The following PITPNM3 variants were observed in gnomAD, a reference collection of about 807,000 sequenced individuals.
PITPNM3 encodes membrane-associated phosphatidylinositol transfer protein 3.
Under a neutral mutation model 102.0 loss-of-function variants are expected in PITPNM3, and 26 were observed. That is an observed-to-expected ratio of 0.25 (90% CI 0.19 to 0.35). The LOEUF (loss-of-function observed/expected upper bound fraction) is 0.35, where lower values mean the gene tolerates loss of function less well. Among genes scored for constraint, PITPNM3 ranks in the 10% least tolerant of loss-of-function variants. PITPNM3 has a pLI of 1.00. For synonymous variants in PITPNM3, 578 were observed against 558.6 expected (o/e 1.03, Z -0.49); for missense variants, 1,083 against 1,346.1 (o/e 0.80, Z 3.06).
intron 4 of PITPNM3, among the ~76,000 whole-genome samples, chr17:6,496,623 G>A (rs532809125): frequency 3.9e-5 from 6 of 152,050 alleles, no homozygotes; most frequent in East Asian, 1.9e-4. Context: ...CCCCTCCTCC[G>A]TCTCCCAGAT....
intron 4 of PITPNM3, among the ~76,000 whole-genome samples, chr17:6,502,377 C>T (rs552625989): frequency 1.3e-5 from 2 of 152,146 alleles, no homozygotes; most frequent in South Asian, 2.1e-4. Context: ...GATTTGAGCC[C>T]GGGAAGCTCA....
In PITPNM3 at chr17:6,459,813, G is replaced by A. The variant is rs1044545907; in HGVS notation, c.2490+1560C>T. 1.3e-5 allele frequency among the ~76,000 whole-genome samples: 2 copies of A among 152,080 alleles called. No individual in the cohort carries two copies. The highest frequency in any genetic ancestry group is 6.6e-5 in the Admixed American group (1 of 15,262). Reference sequence around the variant, plus strand: ...CAGCACGGGCATCTTAGAACTCCTCGCTCCCTGCATCCAACCATCCCTGAG... The same window carrying A: ...CAGCACGGGCATCTTAGAACTCCTCACTCCCTGCATCCAACCATCCCTGAG... On this transcript the variant is annotated intron_variant, in intron 18 of 19. Transcript: ENST00000262483. The surrounding 1 kb of genome is among the most constrained non-coding windows in gnomAD (Gnocchi z 5.0).
intron 2 of PITPNM3, among the ~76,000 whole-genome samples, chr17:6,535,308 G>A (rs574433134): frequency 1.3e-5 from 2 of 152,236 alleles, no homozygotes; most frequent in African/African-American, 4.8e-5. Flanking sequence ...CAGAGCACTG[G>A]CTGGGCTGGG....
intron 2 of PITPNM3, among the ~76,000 whole-genome samples, chr17:6,531,135 T>C (rs1398144291): frequency 1.3e-5 from 2 of 152,266 alleles, no homozygotes; most frequent in African/African-American, 4.8e-5. Context: ...ATTGTTCCAA[T>C]TATTTCCAAT....
intron 17 of PITPNM3, among the ~76,000 whole-genome samples, chr17:6,462,322 G>A (rs923263695): frequency 4.6e-5 from 7 of 152,028 alleles, no homozygotes; most frequent in East Asian, 3.9e-4. Flanking sequence ...GCTCCCCAGC[G>A]CCCTGAGGTA....
chr17:6,524,095 G>A (rs1452786732), intron 3 of PITPNM3, among the ~76,000 whole-genome samples: 1 of 152,198 alleles, frequency 6.6e-6, no homozygotes, highest in African/African-American at 2.4e-5. Context: ...TTGGCAAAAG[G>A]AGAGCTCTGA....
intron 3 of PITPNM3, among the ~76,000 whole-genome samples, chr17:6,512,686 G>A (rs1360509153): frequency 1.3e-5 from 2 of 152,132 alleles, no homozygotes; most frequent in African/African-American, 4.8e-5. Flanking sequence ...ATAAACCAGA[G>A]TCAGGGGGTG....
intron 2 of PITPNM3, among the ~76,000 whole-genome samples, chr17:6,535,199 G>C (rs1049626067): frequency 1.3e-5 from 2 of 152,000 alleles, no homozygotes; most frequent in Admixed American, 1.3e-4. Flanking sequence ...CACACCCAGG[G>C]TCAGGGTCAG....
At chr17:6,474,157 C>T (rs137898458) in intron 10 of PITPNM3, among the ~76,000 whole-genome samples, 3 of 151,938 alleles carry the variant, frequency 2.0e-5, no homozygotes, top group East Asian at 1.9e-4. Context: ...CCCCATAGGG[C>T]GTGACCACCG....
In PITPNM3 at chr17:6,478,240, T is replaced by C; in HGVS notation, c.778-143A>G. On this transcript the variant is annotated intron_variant, in intron 7 of 19. Transcript: ENST00000262483. The surrounding 1 kb of genome is among the most constrained non-coding windows in gnomAD (Gnocchi z 4.4). ...TTGAGAGAGCCCAACTGGGAAGCAG[T>C]GTGCAAACTGGGGAGGGTCAGGGTT... is the stretch of plus-strand genomic sequence containing the variant. The C allele has an allele frequency of 7.1e-7, 1 of 1,402,494 alleles. No homozygotes were observed. The highest frequency in any genetic ancestry group is 9.7e-7 in the Non-Finnish European group (1 of 1,033,650). 86.9% of individuals were successfully genotyped at this position (1,402,494 alleles called of 1,614,324 possible).
At chr17:6,521,961 GCAAAGAAAC>G (rs527351135) in intron 3 of PITPNM3, among the ~76,000 whole-genome samples, 49 of 152,244 alleles carry the variant, frequency 3.2e-4, no homozygotes, top group African/African-American at 1.2e-3. Flanking sequence ...TGCGGAAGCG[GCAAAGAAAC>G]CATTCACAGA....
intron 4 of PITPNM3, among the ~76,000 whole-genome samples, chr17:6,488,558 G>A (rs985831601): frequency 2.0e-5 from 3 of 152,202 alleles, no homozygotes; most frequent in African/African-American, 7.2e-5. Context: ...CACACATCCT[G>A]TGAGACATCT....
chr17:6,533,387 C>G (rs1044399134), intron 2 of PITPNM3, among the ~76,000 whole-genome samples: 1 of 152,190 alleles, frequency 6.6e-6, no homozygotes, highest in Non-Finnish European at 1.5e-5. Flanking sequence ...CACATGCTTA[C>G]TTGCCATGTA....
intron 3 of PITPNM3, among the ~76,000 whole-genome samples, chr17:6,516,369 C>T (rs1908177244): frequency 6.6e-6 from 1 of 151,362 alleles, no homozygotes; most frequent in African/African-American, 2.4e-5. Context: ...TGAGACCATC[C>T]TGGCTAACAT....
At chr17:6,527,618 A>C (rs1469520466) in intron 2 of PITPNM3, among the ~76,000 whole-genome samples, 1 of 152,142 alleles carries the variant, frequency 6.6e-6, no homozygotes, top group Non-Finnish European at 1.5e-5. Context: ...CCCAATTACC[A>C]CCTTGAGTTC....
In PITPNM3 at chr17:6,483,529, G is replaced by A. The variant is rs774376937; in HGVS notation, c.575C>T (p.Ser192Leu). 6.2e-6 allele frequency: 10 copies of A among 1,613,572 alleles called. No individual in the cohort carries two copies. The highest frequency in any genetic ancestry group is 4.0e-5 in the African/African-American group (3 of 74,862). Residue 192 changes from serine to leucine, a missense_variant, in exon 6 of 20, where the codon TCG (serine) becomes TTG (leucine). By Grantham distance (145) the Ser-to-Leu change is moderately radical. This residue lies in a region of PITPNM3 where 290 missense variants were observed against 337.8 expected (regional missense o/e 0.86). Transcript: ENST00000262483. ...GAAATGGACTCACTGAGAGACAAGC[G>A]AGAAAGCCTCAGAGCAGATGGCAGG... Reference protein sequence around the residue: ...PCPAICSEAFSLVSHLNPYSH... With the variant: ...PCPAICSEAFLLVSHLNPYSH...
At position 6,519,505 on chromosome 17, in the gene PITPNM3, T is replaced by C. The variant is rs1380553899; in HGVS notation, c.226+5851A>G. 1.7e-4 allele frequency among the ~76,000 whole-genome samples: 22 copies of C among 130,612 alleles called. No individual in the cohort carries two copies. In the South Asian group the frequency reaches 3.4e-3, roughly 20 times the overall value. The allele number at this position is 130,612 out of a possible 152,430, so 85.7% of individuals were successfully genotyped here. A position where few individuals can be genotyped will look rare whatever the true frequency, so the allele number is the denominator to read the frequency against. On this transcript the variant is annotated intron_variant, in intron 3 of 19. Transcript: ENST00000262483. ...CTGCACTCCAGCCTGGGCGACAGAG[T>C]GAGACTCCGTCTCAGAAAAAAAAAA...
At chr17:6,532,302 G>A (rs535678721) in intron 2 of PITPNM3, among the ~76,000 whole-genome samples, 81 of 152,104 alleles carry the variant, frequency 5.3e-4, no homozygotes, top group African/African-American at 1.9e-3. Flanking sequence ...TATATGGTGG[G>A]GACAGTCTCC....
At chr17:6,525,518 C>G (rs1908782262) in intron 2 of PITPNM3, 55 bp from the exon 3 acceptor site, 2 of 1,294,648 alleles carry the variant, frequency 1.5e-6, no homozygotes, top group East Asian at 2.3e-5. Flanking sequence ...ATAGGTAGCC[C>G]TATCAGGAGC....
Sources: allele counts gnomAD v4.1 joint callset (sites outside exome capture counted in the v4.1 genomes callset), GRCh38; gene constraint gnomAD v4.1.1; regional missense constraint gnomAD v4.1.1; non-coding constraint Gnocchi (gnomAD v3.1); transcripts MANE v1.5; gene names NCBI Gene and HGNC (gene_info 2026-07-23, HGNC 2026-07-21).